NUDT18: variants seen among roughly 807,000 people sequenced by gnomAD.
NUDT18 encodes 8-oxo-dGDP phosphatase NUDT18.
Under a neutral mutation model 27.6 loss-of-function variants are expected in NUDT18, and 26 were observed. The ratio of observed to expected loss-of-function variants is 0.94; its 90% confidence interval spans 0.69 to 1.31. The LOEUF (loss-of-function observed/expected upper bound fraction) is 1.31. NUDT18 is among the 50% of genes most tolerant of loss of function. The pLI is 0.00. For synonymous variants in NUDT18, 220 were observed against 196.9 expected, an observed-to-expected ratio of 1.12 and a Z score of -0.98; for missense variants, 450 against 433.4, an observed-to-expected ratio of 1.04 and a Z score of -0.34.
Position 22,109,228 on chromosome 8 carries a change from C to G in NUDT18, c.73G>C (p.Asp25His), listed in dbSNP as rs1478510553. 3 of 1,440,428 alleles carry G rather than the reference C, an allele frequency of 2.1e-6. No individual in the cohort carries two copies. Among genetic ancestry groups the G allele is most frequent in the African/African-American group, 1.5e-5 (1 of 66,538 alleles). 89.2% of individuals were successfully genotyped at this position (1,440,428 alleles called of 1,614,324 possible). A position where few individuals can be genotyped will look rare whatever the true frequency, so the allele number is the denominator to read the frequency against. Residue 25 changes from aspartate to histidine, a missense_variant, in exon 1 of 3, where the codon GAC (aspartate) becomes CAC (histidine). Transcript: ENST00000611621. Reference protein sequence around the residue: ...AGQGSSVHSCDSAPAGEPPAP... With the variant: ...AGQGSSVHSCHSAPAGEPPAP... Reference sequence around the variant, plus strand: ...GGCGGCTCCCCGGCCGGCGCCGAGTCGCAGCTGTGCACGCTGGACCCCTGG... The same window carrying G: ...GGCGGCTCCCCGGCCGGCGCCGAGTGGCAGCTGTGCACGCTGGACCCCTGG...
At position 22,109,365 on chromosome 8, in the gene NUDT18, G is replaced by GTACGC; in HGVS notation, c.-66_-65insGCGTA. 1.7e-6 allele frequency: 1 copy of GTACGC among 573,168 alleles called. No individual in the cohort carries two copies. Among genetic ancestry groups the GTACGC allele is most frequent in the Non-Finnish European group, 2.2e-6 (1 of 449,380 alleles). 35.5% of individuals were successfully genotyped at this position (573,168 alleles called of 1,614,324 possible). On this transcript the variant is annotated 5_prime_UTR_variant, in exon 1 of 3. Transcript: ENST00000611621. Reference sequence around the variant, plus strand: ...CGACTGAGCCGAGCCGCGGGCTAGAGTGCGCTGCGGAGCCCGCTCCCAGTC... The same window carrying GTACGC: ...CGACTGAGCCGAGCCGCGGGCTAGAGTACGCTGCGCTGCGGAGCCCGCTCCCAGTC...
intron 1 of NUDT18, 123 bp from the exon 2 acceptor site, chr8:22,108,469 T>A: frequency 1.3e-6 from 1 of 772,214 alleles, no homozygotes; most frequent in South Asian, 1.7e-5. Flanking sequence ...CAGCTAGCGC[T>A]CCAGGAGACC....
chr8:22,107,139 G>C lies in NUDT18; in HGVS notation c.*161C>G. The C allele has an allele frequency of 3.3e-6, 2 of 615,078 alleles. No homozygotes were observed. Among genetic ancestry groups the C allele is most frequent in the South Asian group, 4.0e-5 (2 of 49,948 alleles). 38.1% of individuals were successfully genotyped at this position (615,078 alleles called of 1,614,324 possible). ...GGCACTGTCCCTTGTGCAATCTAGAGGAATGCTCCTCAAAGCATCTCTCCT... is the reference window on the plus strand; with the variant it reads ...GGCACTGTCCCTTGTGCAATCTAGACGAATGCTCCTCAAAGCATCTCTCCT... On this transcript the variant is annotated 3_prime_UTR_variant, in exon 3 of 3. Coordinates refer to ENST00000611621, the MANE Select transcript of NUDT18 (RefSeq NM_024815.4).
Position 22,108,257 on chromosome 8 carries a change from G to T in NUDT18, c.252C>A (p.Ile84=). 1 of 1,597,134 alleles carries T rather than the reference G, an allele frequency of 6.3e-7. No homozygotes were observed. The highest frequency in any genetic ancestry group is 8.5e-7 in the Non-Finnish European group (1 of 1,172,542). The change falls in exon 2 of 3, where the codon ATC becomes ATA. Residue 84 remains isoleucine (I), a synonymous_variant. Transcript: ENST00000611621. ...PAGRMEPGET[I]VEALQREVKE... ...TCACCTCCCGCTGCAGCGCCTCCAC[G>T]ATGGTCTCCCCTGGCTCCATTCTCC...
Position 22,107,392 on chromosome 8 carries a change from T to A in NUDT18, c.880A>T (p.Asn294Tyr). ...QDEPPKVRGENFSWWKVMEED... is the reference protein window; with the variant it reads ...QDEPPKVRGEYFSWWKVMEED... The stretch of plus-strand genomic sequence containing the variant: ...TCCATCACCTTCCACCAAGAGAAGT[T>A]CTCACCCCGAACTTTTGGGGGTTCA... The change falls in exon 3 of 3, where the codon AAC (asparagine) becomes TAC (tyrosine). Residue 294 changes from asparagine (N) to tyrosine (Y), a missense_variant. Asn to Tyr is a moderately radical substitution (Grantham distance 143). Coordinates refer to ENST00000611621, the MANE Select transcript of NUDT18 (RefSeq NM_024815.4). 6.2e-7 allele frequency: 1 copy of A among 1,613,490 alleles called. No individual in the cohort carries two copies. The highest frequency in any genetic ancestry group is 1.7e-5 in the Admixed American group (1 of 59,994).
chr8:22,108,707 T>A (rs891687242), intron 1 of NUDT18, among the ~76,000 whole-genome samples: 4 of 152,236 alleles, frequency 2.6e-5, no homozygotes, highest in African/African-American at 9.6e-5. Context: ...GTTTACAAAC[T>A]GTGATGGGTC....
Position 22,108,225 on chromosome 8 carries a change from T to G in NUDT18, c.284A>C (p.Glu95Ala), listed in dbSNP as rs1201170262. 10 of 1,597,678 alleles carry G rather than the reference T, an allele frequency of 6.3e-6. No homozygotes were observed. The African/African-American group carries it at 6.7e-5, about 11-fold the overall frequency. ...VEALQREVKE[E>A]AGLHCEPETL... ...CTCGGGCTCACAGTGCAGCCCCGCC[T>G]CCTCCTTCACCTCCCGCTGCAGCGC... The change falls in exon 2 of 3, where the codon GAG (glutamate) becomes GCG (alanine). Residue 95 changes from glutamate (E) to alanine (A), a missense_variant. Coordinates refer to ENST00000611621, the MANE Select transcript of NUDT18 (RefSeq NM_024815.4).
At chr8:22,108,019 A>G (rs1193428834) in intron 2 of NUDT18, 114 bp downstream of exon 2, 10 of 1,363,664 alleles carry the variant, frequency 7.3e-6, no homozygotes, top group African/African-American at 1.5e-5. Context: ...GAATCTGCCC[A>G]TGCCAGGCTG....
At chr8:22,110,211 G>A (rs567191870), upstream of NUDT18, among the ~76,000 whole-genome samples, 2 of 152,326 alleles carry the variant, frequency 1.3e-5, no homozygotes, top group East Asian at 1.9e-4. Context: ...GAGGGCGGGG[G>A]TGGGGCCCTG....
Position 22,108,174 on chromosome 8 carries a change from C to G in NUDT18, c.335G>C (p.Gly112Ala), listed in dbSNP as rs1271587892. 1.9e-6 allele frequency: 3 copies of G among 1,568,240 alleles called. No individual in the cohort carries two copies. Among genetic ancestry groups the G allele is most frequent in the Non-Finnish European group, 2.6e-6 (3 of 1,158,506 alleles). ...PETLLSVEER[G>A]PSWVRFVFLA... is the part of the protein sequence containing the mutation. ...GAACACGAAGCGGACCCAGGAGGGGCCCCGCTCCTCCACGGACAGCAGTGT... is the reference window on the plus strand; with the variant it reads ...GAACACGAAGCGGACCCAGGAGGGGGCCCGCTCCTCCACGGACAGCAGTGT... Residue 112 changes from glycine to alanine, a missense_variant, in exon 2 of 3, where the codon GGC becomes GCC. By Grantham distance (60) the Gly-to-Ala change is moderately conservative (BLOSUM62 0). Transcript: ENST00000611621.
At position 22,107,266 on chromosome 8, in the gene NUDT18, G is replaced by A. The variant is rs111541757; in HGVS notation, c.*34C>T. On this transcript the variant is annotated 3_prime_UTR_variant, in exon 3 of 3. Transcript: ENST00000611621. ...GACAAGTCCGCACTGGAGGGAGCACGGCTGCCTAGCTCCCTGTCACCTCCC... is the reference window on the plus strand; with the variant it reads ...GACAAGTCCGCACTGGAGGGAGCACAGCTGCCTAGCTCCCTGTCACCTCCC... 2.3e-3 allele frequency: 3,455 copies of A among 1,499,980 alleles called. 21 individuals carry two copies. Among genetic ancestry groups the A allele is most frequent in the East Asian group, 0.016 (684 of 42,012 alleles). The allele number at this position is 1,499,980 out of a possible 1,614,324, so 92.9% of individuals were successfully genotyped here.
upstream of NUDT18, chr8:22,109,563 G>T (rs1006929806): frequency 2.0e-6 from 1 of 504,692 alleles, no homozygotes; most frequent in Admixed American, 2.7e-5. Flanking sequence ...GGAACTGGGG[G>T]GGCACGGGTC....
chr8:22,109,490 G>T (rs931271503), upstream of NUDT18: 28 of 514,488 alleles, frequency 5.4e-5, no homozygotes, highest in Non-Finnish European at 6.4e-6. Context: ...CGGCGCCGCG[G>T]CCTGCCCGGA....
chr8:22,108,187 C>CG lies in NUDT18; in HGVS notation c.321dup (p.Val108ArgfsTer51). The CG allele has an allele frequency of 6.3e-7, 1 of 1,581,412 alleles. No individual in the cohort carries two copies. ...ACCCAGGAGGGGCCCCGCTCCTCCA[C>CG]GGACAGCAGTGTCTCGGGCTCACAG... On this transcript the variant is annotated frameshift_variant, in exon 2 of 3. Transcript: ENST00000611621. LOFTEE classifies it high-confidence loss of function.
At position 22,107,398 on chromosome 8, in the gene NUDT18, C is replaced by G; in HGVS notation, c.874G>C (p.Gly292Arg). Reference sequence around the variant, plus strand: ...ACCTTCCACCAAGAGAAGTTCTCACCCCGAACTTTTGGGGGTTCATCCTGG... The same window carrying G: ...ACCTTCCACCAAGAGAAGTTCTCACGCCGAACTTTTGGGGGTTCATCCTGG... ...GIQDEPPKVR[G>R]ENFSWWKVME... Residue 292 changes from glycine to arginine, a missense_variant, in exon 3 of 3, where the codon GGT becomes CGT. Coordinates refer to ENST00000611621, the MANE Select transcript of NUDT18 (RefSeq NM_024815.4). 1 of 1,613,556 alleles carries G rather than the reference C, an allele frequency of 6.2e-7. No individual in the cohort carries two copies. Among genetic ancestry groups the G allele is most frequent in the Non-Finnish European group, 8.5e-7 (1 of 1,179,856 alleles).
At chr8:22,109,854 C>T (rs1288958085), upstream of NUDT18, 3 of 417,986 alleles carry the variant, frequency 7.2e-6, no homozygotes, top group Non-Finnish European at 1.5e-5. Context: ...GATCATATCC[C>T]AAATACCTTT....
At position 22,108,323 on chromosome 8, in the gene NUDT18, C is replaced by T. The variant is rs1479829680; in HGVS notation, c.186G>A (p.Glu62=). 4 of 1,582,598 alleles carry T rather than the reference C, an allele frequency of 2.5e-6. No individual in the cohort carries two copies. The highest frequency in any genetic ancestry group is 1.2e-5 in the South Asian group (1 of 86,306). ...ACGACCCCCGGCACTCCCTCTTGGC[C>T]TCCTGGATCAGTAGCACCTCATCCT... ...SEQDEVLLIQ[E]AKRECRGSWY... is the part of the protein sequence containing the mutation. Residue 62 remains glutamate (E), a synonymous_variant, in exon 2 of 3, where the codon GAG becomes GAA. Transcript: ENST00000611621.
In NUDT18 at chr8:22,107,809, G is replaced by A. The variant is rs1480601309; in HGVS notation, c.463C>T (p.Arg155Ter). The A allele has an allele frequency of 9.9e-6, 16 of 1,612,992 alleles. No homozygotes were observed. Among genetic ancestry groups the A allele is most frequent in the Admixed American group, 8.3e-5 (5 of 59,966 alleles). The change falls in exon 3 of 3, where the codon CGA (arginine) becomes TGA (stop). Residue 155 changes from arginine to a stop codon, truncating the protein, a stop_gained. Transcript: ENST00000611621. LOFTEE classifies it high-confidence loss of function. ...ACCAGGTGCAGGATGTCATGGGCTC[G>A]CAGCGGAGTGGGCAGGGAGGTCCGT... ...YPRTSLPTPL[R>*]AHDILHLVEL... is the part of the protein sequence containing the mutation.
upstream of NUDT18, chr8:22,109,608 C>A (rs749333588): frequency 8.0e-6 from 4 of 498,080 alleles, no homozygotes; most frequent in Admixed American, 9.5e-5. Flanking sequence ...CTTCTGCCGC[C>A]TGTCAGTCCC....
Sources: allele counts gnomAD v4.1 joint callset (sites outside exome capture counted in the v4.1 genomes callset), GRCh38; gene constraint gnomAD v4.1.1; transcripts MANE v1.5; gene names NCBI Gene and HGNC (gene_info 2026-07-23, HGNC 2026-07-21).